The following PARD3B variants were observed in gnomAD, a reference collection of about 807,000 sequenced individuals.
PARD3B encodes partitioning defective 3 homolog B.
Under a neutral mutation model 130.2 loss-of-function variants are expected in PARD3B, and 103 were observed. The ratio of observed to expected loss-of-function variants is 0.79; its 90% CI spans 0.67 to 0.93. PARD3B has a LOEUF of 0.93. Among genes scored for constraint, PARD3B ranks in the 40% least tolerant of loss-of-function variants. The pLI is 0.00. For synonymous variants in PARD3B, 583 were observed against 553.2 expected, an observed-to-expected ratio of 1.05 and a Z score of -0.76; for missense variants, 1,609 against 1,499.2, an observed-to-expected ratio of 1.07 and a Z score of -1.21.
At chr2:205,185,236 G>GA (rs5837959) in intron 13 of PARD3B, among the ~76,000 whole-genome samples, 1 of 151,248 alleles carries the variant, frequency 6.6e-6, no homozygotes, top group Non-Finnish European at 1.5e-5. Context: ...GGCACAGATA[G>GA]AAAAAAAGAG....
intron 19 of PARD3B, among the ~76,000 whole-genome samples, chr2:205,433,680 C>A (rs2047414873): frequency 6.6e-6 from 1 of 152,022 alleles, no homozygotes; most frequent in Non-Finnish European, 1.5e-5. Context: ...ATGGATGTTC[C>A]CTCATACTTT....
In PARD3B at chr2:205,339,081, A is replaced by T. The variant is rs891002849; in HGVS notation, c.2630+37380A>T. On this transcript the variant is annotated intron_variant, in intron 18 of 22. Coordinates refer to ENST00000406610, the MANE Select transcript of PARD3B (RefSeq NM_001302769.2). ...AGTTTACTGAATATCATTTTGTTTCAAGTTGTTTCACTGAAATAATCAAAC... is the reference window on the plus strand; with the variant it reads ...AGTTTACTGAATATCATTTTGTTTCTAGTTGTTTCACTGAAATAATCAAAC... Among the ~76,000 whole-genome samples, 8 of 152,154 alleles carry T rather than the reference A, an allele frequency of 5.3e-5. No homozygotes were observed. The South Asian group carries it at 1.4e-3, about 28-fold the overall frequency.
intron 2 of PARD3B, among the ~76,000 whole-genome samples, chr2:204,714,240 T>C (rs983819715): frequency 1.3e-5 from 2 of 152,158 alleles, no homozygotes; most frequent in Admixed American, 1.3e-4. Context: ...CAGTTTCAGA[T>C]TTGCTAACCT....
chr2:205,382,045 TAC>T (rs980835976), intron 18 of PARD3B, among the ~76,000 whole-genome samples: 2 of 152,110 alleles, frequency 1.3e-5, no homozygotes, highest in Non-Finnish European at 2.9e-5. Context: ...GTAACGATGG[TAC>T]AGAGGACCAA....
At chr2:205,615,155 T>C (rs1186189751) in intron 22 of PARD3B, among the ~76,000 whole-genome samples, 3 of 152,318 alleles carry the variant, frequency 2.0e-5, no homozygotes, top group African/African-American at 4.8e-5. Flanking sequence ...GCAATCCTGA[T>C]TGACATGGTG....
At chr2:204,928,609 A>G (rs1021749186) in intron 2 of PARD3B, among the ~76,000 whole-genome samples, 21 of 152,028 alleles carry the variant, frequency 1.4e-4, no homozygotes, top group African/African-American at 5.1e-4. Context: ...CCTGGATAGG[A>G]CAGTCATCAA....
chr2:204,717,965 C>T (rs937911690), intron 2 of PARD3B, among the ~76,000 whole-genome samples: 2 of 152,152 alleles, frequency 1.3e-5, no homozygotes, highest in African/African-American at 4.8e-5. Context: ...ACCAAATTTA[C>T]ATATATTACA....
intron 1 of PARD3B, among the ~76,000 whole-genome samples, chr2:204,663,162 GT>G (rs1248565927): frequency 6.6e-6 from 1 of 152,172 alleles, no homozygotes; most frequent in Non-Finnish European, 1.5e-5. Context: ...CATGGTTACT[GT>G]TTTCCCCAGG....
chr2:205,039,178 TA>T (rs1698218014), intron 3 of PARD3B, among the ~76,000 whole-genome samples: 3 of 152,116 alleles, frequency 2.0e-5, no homozygotes, highest in Admixed American at 2.0e-4. Flanking sequence ...AGAGAAAATG[TA>T]GTTGCCTCCA....
At position 205,011,287 on chromosome 2, in the gene PARD3B, G is replaced by A. The variant is rs999309362; in HGVS notation, c.395-36294G>A. On this transcript the variant is annotated intron_variant, in intron 3 of 22. Transcript: ENST00000406610. The surrounding 1 kb of genome is among the most constrained non-coding windows in gnomAD (Gnocchi z 4.1). ...CTGGCTCGGGGTTTCCCAAGAGTCT[G>A]TAGCCAAGCTGTCATCTCAAGGATG... is the stretch of plus-strand genomic sequence containing the variant. Among the ~76,000 whole-genome samples the A allele has an allele frequency of 6.6e-6, 1 of 152,170 alleles. No homozygotes were observed. The highest frequency in any genetic ancestry group is 2.4e-5 in the African/African-American group (1 of 41,442).
chr2:204,637,543 A>G (rs2034928319), intron 1 of PARD3B, among the ~76,000 whole-genome samples: 2 of 152,170 alleles, frequency 1.3e-5, no homozygotes, highest in Non-Finnish European at 2.9e-5. Flanking sequence ...TATTGTAAAT[A>G]CTTATGGTGA....
intron 22 of PARD3B, among the ~76,000 whole-genome samples, chr2:205,593,061 G>A (rs553288779): frequency 6.6e-6 from 1 of 152,302 alleles, no homozygotes; most frequent in South Asian, 2.1e-4. Context: ...GGAGTAAGAT[G>A]GCCCTCTGGG....
intron 1 of PARD3B, among the ~76,000 whole-genome samples, chr2:204,583,291 A>G (rs1386857639): frequency 1.0e-5 from 1 of 96,764 alleles, no homozygotes; most frequent in African/African-American, 4.0e-5. Flanking sequence ...AATACTATGC[A>G]GCCATAAAAA....
At chr2:205,419,702 G>A (rs2046900831) in intron 19 of PARD3B, among the ~76,000 whole-genome samples, 1 of 152,158 alleles carries the variant, frequency 6.6e-6, no homozygotes, top group Middle Eastern at 3.2e-3. Context: ...CCACTAGCCA[G>A]GAGGGAAACG....
chr2:205,300,670 G>A lies in PARD3B; in HGVS notation c.2326G>A (p.Gly776Ser), dbSNP rs749852324. The A allele has an allele frequency of 1.2e-6, 2 of 1,613,992 alleles. No individual in the cohort carries two copies. Among genetic ancestry groups the A allele is most frequent in the Non-Finnish European group, 1.7e-6 (2 of 1,180,014 alleles). Residue 776 changes from glycine to serine, a missense_variant, in exon 17 of 23, where the codon GGC (glycine) becomes AGC (serine). Physicochemically the swap from Gly to Ser is moderately conservative, Grantham distance 56. Transcript: ENST00000406610. The surrounding 1 kb of genome is among the most constrained non-coding windows in gnomAD (Gnocchi z 4.1). ...CCGGCCGCACATGGTTCGAGGCCGA[G>A]GCTGCAATGAGAGCTTTAGAGCAGC... The part of the protein sequence containing the change: ...RPRPHMVRGR[G>S]CNESFRAAID...
At chr2:204,633,624 CAACATGATGAAACCCTGTTTCTACT>C (rs1218682672) in intron 1 of PARD3B, among the ~76,000 whole-genome samples, 1 of 151,952 alleles carries the variant, frequency 6.6e-6, no homozygotes, top group Admixed American at 6.6e-5. Flanking sequence ...CCAGTCTGGC[CAACATGATGAAACCCTGTTTCTACT>C]AAAAATACAA....
intron 2 of PARD3B, among the ~76,000 whole-genome samples, chr2:204,777,988 G>A (rs1311845328): frequency 6.6e-6 from 1 of 152,036 alleles, no homozygotes; most frequent in Non-Finnish European, 1.5e-5. Context: ...GCCTTGTGAA[G>A]AGGCTGTCTA....
At chr2:204,549,463 T>G (rs903542321) in intron 1 of PARD3B, among the ~76,000 whole-genome samples, 1 of 152,196 alleles carries the variant, frequency 6.6e-6, no homozygotes, top group African/African-American at 2.4e-5. Context: ...CTGCAGGGAC[T>G]CTCAACCCTG....
intron 22 of PARD3B, among the ~76,000 whole-genome samples, chr2:205,602,840 GT>G (rs1000913145): frequency 3.3e-5 from 5 of 151,736 alleles, no homozygotes; most frequent in Non-Finnish European, 5.9e-5. Context: ...TTTTTGAAAG[GT>G]TTTTCATGTC....
Sources: allele counts gnomAD v4.1 joint callset (sites outside exome capture counted in the v4.1 genomes callset), GRCh38; gene constraint gnomAD v4.1.1; non-coding constraint Gnocchi (gnomAD v3.1); transcripts MANE v1.5; gene names NCBI Gene and HGNC (gene_info 2026-07-23, HGNC 2026-07-21).